Variants in CNIH3 observed in about 807,000 individuals in gnomAD.
CNIH3 encodes cornichon family AMPA receptor auxiliary protein 3.
In CNIH3, 14 loss-of-function variants were observed where a neutral mutation model predicts 24.1. The observed-to-expected ratio is 0.58, with a 90% CI of 0.38 to 0.91. CNIH3 has a LOEUF of 0.91. CNIH3 is among the 40% of genes least tolerant of loss of function. The pLI is 0.00. For synonymous variants in CNIH3, 68 were observed against 73.8 expected (o/e 0.92, Z 0.40); for missense variants, 178 against 196.8 (o/e 0.90, Z 0.57).
intron 3 of CNIH3, among the ~76,000 whole-genome samples, chr1:224,723,957 G>A (rs72761841): frequency 5.3e-5 from 8 of 151,974 alleles, no homozygotes; most frequent in African/African-American, 1.7e-4. Context: ...GGTTCACGCC[G>A]CTAATCCCCA....
chr1:224,436,515 T>C (rs1489326410), intron 1 of CNIH3, among the ~76,000 whole-genome samples: 1 of 152,172 alleles, frequency 6.6e-6, no homozygotes. Flanking sequence ...AAAAGTAAAA[T>C]GATGAAAAAT....
chr1:224,471,485 A>G (rs1676367705), intron 1 of CNIH3, among the ~76,000 whole-genome samples: 1 of 152,178 alleles, frequency 6.6e-6, no homozygotes, highest in Admixed American at 6.5e-5. Context: ...AGCTCCTACA[A>G]ATAAGTAAGA....
intron 1 of CNIH3, among the ~76,000 whole-genome samples, chr1:224,667,836 A>G (rs1179916480): frequency 6.6e-6 from 1 of 152,082 alleles, no homozygotes; most frequent in Non-Finnish European, 1.5e-5. Flanking sequence ...CTAAGGTGAC[A>G]TGCATTAGGG....
At chr1:224,697,275 G>A (rs758671470) in intron 3 of CNIH3, among the ~76,000 whole-genome samples, 3 of 152,128 alleles carry the variant, frequency 2.0e-5, no homozygotes, top group Non-Finnish European at 2.9e-5. Flanking sequence ...AATTGCTTGC[G>A]GAGGTTAAAA....
intron 3 of CNIH3, among the ~76,000 whole-genome samples, chr1:224,725,472 T>C (rs565141968): frequency 3.9e-5 from 6 of 152,224 alleles, no homozygotes; most frequent in Non-Finnish European, 7.3e-5. Context: ...TTGAGACTTA[T>C]GGGATTACAG....
intron 3 of CNIH3, among the ~76,000 whole-genome samples, chr1:224,547,751 C>A (rs142884755): frequency 1.8e-3 from 271 of 151,740 alleles, no homozygotes; most frequent in Non-Finnish European, 2.2e-3. Flanking sequence ...GGGTGTATAC[C>A]TCGTGATATT....
At chr1:224,441,461 A>G (rs572232404) in intron 1 of CNIH3, among the ~76,000 whole-genome samples, 2 of 152,362 alleles carry the variant, frequency 1.3e-5, no homozygotes, top group Non-Finnish European at 2.9e-5. Context: ...TGAAAAGTAG[A>G]TAAATAATTA....
chr1:224,443,736 G>A (rs572393793), intron 1 of CNIH3, among the ~76,000 whole-genome samples: 42 of 151,074 alleles, frequency 2.8e-4, no homozygotes, highest in Non-Finnish European at 1.0e-4. Flanking sequence ...TTCTCTGAGA[G>A]TAGAGACACT....
intron 1 of CNIH3, among the ~76,000 whole-genome samples, chr1:224,461,076 C>T (rs1675893597): frequency 2.6e-5 from 4 of 151,286 alleles, no homozygotes; most frequent in Admixed American, 1.3e-4. Flanking sequence ...GAGCTCAGCT[C>T]ACTGCAACCT....
chr1:224,474,611 A>G (rs1676494134), intron 1 of CNIH3, among the ~76,000 whole-genome samples: 2 of 152,130 alleles, frequency 1.3e-5, no homozygotes, highest in African/African-American at 4.8e-5. Context: ...CAGAGCAGAA[A>G]TAAGTGAGAT....
chr1:224,583,608 T>C (rs1681370216), intron 5 of CNIH3, among the ~76,000 whole-genome samples: 1 of 152,180 alleles, frequency 6.6e-6, no homozygotes, highest in South Asian at 2.1e-4. Flanking sequence ...GGTTTAGTGA[T>C]TCCTAATCAG....
At position 224,559,578 on chromosome 1, in the gene CNIH3, GC is replaced by G. The variant is rs1680278364; in HGVS notation, n.451-6618del. On this transcript the variant is annotated intron_variant and non_coding_transcript_variant, in intron 3 of 5. Coordinates refer to the CNIH3 transcript ENST00000471578. Reference sequence around the variant, plus strand: ...TGTAGAGATGGGGTGTCACTGTGTTGCCCAGGCTGATCTCCAACTCCTGACC... The same window carrying G: ...TGTAGAGATGGGGTGTCACTGTGTTGCCAGGCTGATCTCCAACTCCTGACC... Among the ~76,000 whole-genome samples the G allele has an allele frequency of 2.0e-5, 3 of 151,948 alleles. No homozygotes were observed. In the South Asian group the frequency reaches 6.2e-4, roughly 32 times the overall value.
upstream of CNIH3, among the ~76,000 whole-genome samples, chr1:224,511,289 A>G (rs896652032): frequency 6.6e-6 from 1 of 152,100 alleles, no homozygotes; most frequent in Non-Finnish European, 1.5e-5. Context: ...TTTTCCCCAG[A>G]CCCTATTTAA....
chr1:224,447,800 C>T (rs1316110072), intron 1 of CNIH3, among the ~76,000 whole-genome samples: 1 of 152,202 alleles, frequency 6.6e-6, no homozygotes, highest in African/African-American at 2.4e-5. Flanking sequence ...GCTTTAGGCA[C>T]TATTCTAAGT....
At chr1:224,631,141 C>T (rs1572622329) in intron 1 of CNIH3, among the ~76,000 whole-genome samples, 1 of 152,096 alleles carries the variant, frequency 6.6e-6, no homozygotes, top group East Asian at 1.9e-4. Context: ...CTATCCTGGG[C>T]GACAGAGTGA....
chr1:224,478,846 G>A lies in CNIH3; in HGVS notation n.204-36895G>A, dbSNP rs1339799291. Among the ~76,000 whole-genome samples the A allele has an allele frequency of 2.0e-5, 3 of 152,166 alleles. No individual in the cohort carries two copies. The East Asian group carries it at 5.8e-4, about 29-fold the overall frequency. Reference sequence around the variant, plus strand: ...CAATCATGGCAGAAGGCAAGGAGCAGCAGCAAGTCACATCTTATGTGGATG... The same window carrying A: ...CAATCATGGCAGAAGGCAAGGAGCAACAGCAAGTCACATCTTATGTGGATG... On this transcript the variant is annotated intron_variant and non_coding_transcript_variant, in intron 1 of 5. Transcript: ENST00000471578.
At chr1:224,594,919 C>G (rs1681915010) in intron 3 of CNIH3, among the ~76,000 whole-genome samples, 1 of 152,180 alleles carries the variant, frequency 6.6e-6, no homozygotes, top group South Asian at 2.1e-4. Flanking sequence ...TTTTACTGCA[C>G]TTTGCTTTAT....
At chr1:224,649,025 T>G (rs551090059) in intron 1 of CNIH3, among the ~76,000 whole-genome samples, 1 of 152,210 alleles carries the variant, frequency 6.6e-6, no homozygotes, top group Non-Finnish European at 1.5e-5. Flanking sequence ...CAGTGGTGGC[T>G]CCTTCCTTAT....
At chr1:224,724,373 G>A (rs906817169) in intron 3 of CNIH3, among the ~76,000 whole-genome samples, 3 of 152,154 alleles carry the variant, frequency 2.0e-5, no homozygotes, top group East Asian at 1.9e-4. Flanking sequence ...TTCCAAAGAC[G>A]ACCTTCATCC....
Sources: allele counts gnomAD v4.1 joint callset (sites outside exome capture counted in the v4.1 genomes callset), GRCh38; gene constraint gnomAD v4.1.1; transcripts MANE v1.5; gene names NCBI Gene and HGNC (gene_info 2026-07-23, HGNC 2026-07-21).